TNR: variants seen among roughly 807,000 people sequenced by gnomAD.
The protein encoded by TNR is tenascin-R.
In TNR, 45 loss-of-function variants were observed where a neutral mutation model predicts 150.4. That is an observed-to-expected ratio of 0.30 (90% confidence interval 0.24 to 0.38). The LOEUF is 0.38. Among genes scored for constraint, TNR ranks in the 10% least tolerant of loss-of-function variants. The pLI is 1.00. For missense variants in TNR, 1,544 were observed against 1,759.1 expected (o/e 0.88, Z 2.19); for synonymous variants, 687 against 678.4 (o/e 1.01, Z -0.20).
rs138784896 is a variant in TNR, at chr1:175,441,121, C to G, written c.-63-34344G>C. 4.7e-3 allele frequency among the ~76,000 whole-genome samples: 711 copies of G among 152,240 alleles called. 1 individual carries two copies. Among genetic ancestry groups the G allele is most frequent in the Non-Finnish European group, 8.0e-3 (545 of 68,016 alleles). On this transcript the variant is annotated intron_variant, in intron 2 of 22. Coordinates refer to ENST00000367674, the MANE Select transcript of TNR (RefSeq NM_003285.3). ...ATATGTCTTATTCATCTCTGTGGCA[C>G]CTTCTTGTCCCCAACAATTAACATG...
chr1:175,646,813 G>A (rs1469760312), intron 1 of TNR, among the ~76,000 whole-genome samples: 1 of 152,180 alleles, frequency 6.6e-6, no homozygotes, highest in East Asian at 1.9e-4. Flanking sequence ...CTTCTGCCAG[G>A]TCCACTGGAA....
chr1:175,582,940 G>A (rs1250412906), intron 1 of TNR, among the ~76,000 whole-genome samples: 1 of 151,806 alleles, frequency 6.6e-6, no homozygotes. Context: ...TGCCATTTCT[G>A]TGCCTTCTAC....
intron 18 of TNR, among the ~76,000 whole-genome samples, chr1:175,351,725 A>T (rs1651060723): frequency 6.6e-6 from 1 of 152,246 alleles, no homozygotes; most frequent in Non-Finnish European, 1.5e-5. Flanking sequence ...TTTGGTATAC[A>T]TGAGTGACTT....
chr1:175,671,513 C>T (rs1181756052), intron 1 of TNR, among the ~76,000 whole-genome samples: 1 of 152,128 alleles, frequency 6.6e-6, no homozygotes, highest in African/African-American at 2.4e-5. Context: ...TATGGTGATG[C>T]CAGTCTTCAC....
intron 2 of TNR, among the ~76,000 whole-genome samples, chr1:175,449,327 A>G (rs2102091045): frequency 6.6e-6 from 1 of 152,218 alleles, no homozygotes; most frequent in East Asian, 1.9e-4. Flanking sequence ...TGCACATACA[A>G]ACAAACACAC....
chr1:175,342,121 C>T (rs1013696935), intron 18 of TNR, among the ~76,000 whole-genome samples: 3 of 152,204 alleles, frequency 2.0e-5, no homozygotes, highest in Admixed American at 1.3e-4. Context: ...GGAAAAGACA[C>T]AGTCACAACC....
chr1:175,518,185 G>A (rs774998258), intron 2 of TNR, among the ~76,000 whole-genome samples: 2 of 152,186 alleles, frequency 1.3e-5, no homozygotes, highest in Non-Finnish European at 2.9e-5. Context: ...GTATTGTCAT[G>A]ACTTAAGAAC....
chr1:175,533,068 G>A lies in TNR; in HGVS notation c.-164-4699C>T, dbSNP rs117903893. On this transcript the variant is annotated intron_variant, in intron 1 of 22. Transcript: ENST00000367674. ...AGGCTAGTTGCCACAAATGCTTTGCGCTTTTGCTTTGTCAATAATGGTAAA... is the reference window on the plus strand; with the variant it reads ...AGGCTAGTTGCCACAAATGCTTTGCACTTTTGCTTTGTCAATAATGGTAAA... Among the ~76,000 whole-genome samples, 59 of 152,262 alleles carry A rather than the reference G, an allele frequency of 3.9e-4. No individual in the cohort carries two copies. In the East Asian group the frequency reaches 7.1e-3, roughly 18 times the overall value.
chr1:175,527,752 GA>G (rs1333618090), intron 2 of TNR, among the ~76,000 whole-genome samples: 2 of 152,148 alleles, frequency 1.3e-5, no homozygotes, highest in African/African-American at 4.8e-5. Context: ...TATGTGGTAT[GA>G]AAAAGGAATT....
intron 1 of TNR, among the ~76,000 whole-genome samples, chr1:175,665,359 G>T (rs17312000): frequency 0.068 from 10,308 of 152,178 alleles, 455 homozygotes; most frequent in East Asian, 0.12. Context: ...ACAGCTCCCC[G>T]ACTGGCTTCC....
intron 20 of TNR, among the ~76,000 whole-genome samples, chr1:175,331,754 T>G (rs1249911982): frequency 6.6e-6 from 1 of 152,148 alleles, no homozygotes; most frequent in Non-Finnish European, 1.5e-5. Context: ...GATCTCTACT[T>G]GAGTATGCCG....
Position 175,545,495 on chromosome 1 carries a change from A to C in TNR, c.-164-17126T>G, listed in dbSNP as rs142328216. 8.2e-4 allele frequency among the ~76,000 whole-genome samples: 125 copies of C among 152,334 alleles called. No individual in the cohort carries two copies. The East Asian group carries it at 0.018, about 22-fold the overall frequency. On this transcript the variant is annotated intron_variant, in intron 1 of 22. Transcript: ENST00000367674. The stretch of plus-strand genomic sequence containing the variant: ...AGAGATTTGAAACCACAGACTGAGG[A>C]GGGAGATTTGGTGGAAATGGAGAGA...
chr1:175,658,256 G>A (rs1221060920), intron 1 of TNR, among the ~76,000 whole-genome samples: 1 of 152,076 alleles, frequency 6.6e-6, no homozygotes, highest in East Asian at 1.9e-4. Flanking sequence ...CAGGAATGAG[G>A]TGCTACTTTC....
At chr1:175,326,275 G>A (rs916344906) in intron 21 of TNR, among the ~76,000 whole-genome samples, 6 of 152,160 alleles carry the variant, frequency 3.9e-5, no homozygotes, top group Non-Finnish European at 8.8e-5. Flanking sequence ...GGCTCAGGAT[G>A]TTGTGAAGGG....
chr1:175,355,805 T>C (rs1327973411), intron 16 of TNR, among the ~76,000 whole-genome samples, 172 bp from the exon 17 acceptor site: 1 of 152,156 alleles, frequency 6.6e-6, no homozygotes, highest in Non-Finnish European at 1.5e-5. Context: ...CAGATGATAA[T>C]CATTCAGTGC....
intron 1 of TNR, among the ~76,000 whole-genome samples, chr1:175,680,305 G>T (rs536167772): frequency 1.3e-5 from 2 of 152,154 alleles, no homozygotes; most frequent in East Asian, 3.9e-4. Context: ...AAAAGGGAGA[G>T]GGGGCAGGGT....
At chr1:175,337,115 G>C (rs182292338) in intron 19 of TNR, among the ~76,000 whole-genome samples, 3 of 152,080 alleles carry the variant, frequency 2.0e-5, no homozygotes, top group Admixed American at 2.0e-4. Context: ...GGCTGGTCTC[G>C]AACTCCTGGC....
chr1:175,409,174 A>G (rs1654095123), intron 2 of TNR, among the ~76,000 whole-genome samples: 1 of 152,202 alleles, frequency 6.6e-6, no homozygotes, highest in Non-Finnish European at 1.5e-5. Context: ...GCTATCAGTC[A>G]TTTACACACA....
At chr1:175,629,544 C>T (rs142088381) in intron 1 of TNR, among the ~76,000 whole-genome samples, 41 of 152,150 alleles carry the variant, frequency 2.7e-4, no homozygotes, top group African/African-American at 9.4e-4. Flanking sequence ...GTGGGACTGG[C>T]CTCACTAAGC....
Sources: allele counts gnomAD v4.1 joint callset (sites outside exome capture counted in the v4.1 genomes callset), GRCh38; gene constraint gnomAD v4.1.1; transcripts MANE v1.5; gene names NCBI Gene and HGNC (gene_info 2026-07-23, HGNC 2026-07-21).